Variants in COBLL1 observed in about 807,000 individuals in gnomAD.
COBLL1 encodes cordon-bleu WH2 repeat protein like 1.
Under a neutral mutation model 94.8 loss-of-function variants are expected in COBLL1, and 50 were observed. The ratio of observed to expected loss-of-function variants is 0.53; its 90% CI spans 0.42 to 0.67. The LOEUF is 0.67. Among genes scored for constraint, COBLL1 ranks in the 30% least tolerant of loss-of-function variants. COBLL1 has a pLI of 0.00. For missense variants in COBLL1, 1,362 were observed against 1,348.7 expected (o/e 1.01, Z -0.15); for synonymous variants, 448 against 473.8 (o/e 0.95, Z 0.71).
chr2:164,787,638 C>T (rs1682931765), intron 2 of COBLL1, among the ~76,000 whole-genome samples: 1 of 152,134 alleles, frequency 6.6e-6, no homozygotes, highest in African/African-American at 2.4e-5. Flanking sequence ...TTGCCTGTGA[C>T]CTTGAGCCCT....
chr2:164,801,419 A>G (rs1683786452), intron 2 of COBLL1, among the ~76,000 whole-genome samples: 1 of 122,626 alleles, frequency 8.2e-6, no homozygotes, highest in Non-Finnish European at 1.6e-5. Flanking sequence ...AGCCTGGGCG[A>G]CAGAGCGAGA....
intron 2 of COBLL1, among the ~76,000 whole-genome samples, chr2:164,744,878 T>G (rs966016946): frequency 2.0e-5 from 3 of 152,110 alleles, no homozygotes; most frequent in African/African-American, 7.2e-5. Flanking sequence ...CATTCTGAAC[T>G]TACATAGGCC....
rs1479931344 is a variant in COBLL1, at chr2:164,840,977, C to G, written c.41+179G>C. ...AACCAAAAACGACCCGAGCCCTCCG[C>G]CCGGGCGGCCTCCGAGAAGGCCGGG... On this transcript the variant is annotated intron_variant, in intron 2 of 13. Transcript: ENST00000652658. Among the ~76,000 whole-genome samples, 3 of 152,262 alleles carry G rather than the reference C, an allele frequency of 2.0e-5. No individual in the cohort carries two copies. The East Asian group carries it at 5.8e-4, about 30-fold the overall frequency.
chr2:164,764,386 G>T (rs1687837289), intron 2 of COBLL1, among the ~76,000 whole-genome samples: 1 of 152,002 alleles, frequency 6.6e-6, no homozygotes, highest in Non-Finnish European at 1.5e-5. Flanking sequence ...CATATTTTCT[G>T]AATAAGAGAT....
intron 2 of COBLL1, among the ~76,000 whole-genome samples, chr2:164,818,788 A>ATATATAT (rs1321512077): frequency 6.7e-6 from 1 of 149,668 alleles, no homozygotes; most frequent in African/African-American, 2.5e-5. Context: ...ATATACATAT[A>ATATATAT]ATTTTTTTTC....
intron 9 of COBLL1, chr2:164,702,973 A>G (rs536746759): frequency 1.6e-6 from 1 of 637,794 alleles, no homozygotes; most frequent in Non-Finnish European, 2.8e-6. Flanking sequence ...ATTTCAAGTG[A>G]AAAAGGGGAA....
intron 5 of COBLL1, chr2:164,727,146 T>C: frequency 6.7e-7 from 1 of 1,501,446 alleles, no homozygotes. Context: ...CAGAAGTGGC[T>C]ACAGAAGGAG....
intron 3 of COBLL1, among the ~76,000 whole-genome samples, chr2:164,736,386 T>C (rs181156036): frequency 6.6e-6 from 1 of 152,292 alleles, no homozygotes; most frequent in Admixed American, 6.5e-5. Context: ...GAATGCTTAT[T>C]ATGCTATAAG....
At chr2:164,753,316 A>G (rs1687217340) in intron 2 of COBLL1, among the ~76,000 whole-genome samples, 1 of 152,166 alleles carries the variant, frequency 6.6e-6, no homozygotes, top group African/African-American at 2.4e-5. Context: ...CCAAGTCCCT[A>G]CCACAAGCCA....
Position 164,748,901 on chromosome 2 carries a change from T to G in COBLL1, c.42-5026A>C, listed in dbSNP as rs1004584412. Among the ~76,000 whole-genome samples the G allele has an allele frequency of 9.8e-4, 149 of 152,210 alleles. 1 individual carries two copies. The highest frequency in any genetic ancestry group is 3.6e-3 in the African/African-American group (148 of 41,466). ...TCAATATTATACTCAATTTTAATAA[T>G]GAGAATTAAGGCAAAATTTGCATTA... is the stretch of plus-strand genomic sequence containing the variant. On this transcript the variant is annotated intron_variant, in intron 2 of 13. Transcript: ENST00000652658.
At chr2:164,829,936 A>G (rs188917116) in intron 2 of COBLL1, among the ~76,000 whole-genome samples, 3 of 152,288 alleles carry the variant, frequency 2.0e-5, no homozygotes, top group Admixed American at 1.3e-4. Flanking sequence ...CACTTCCATA[A>G]GAATGTTTGA....
At chr2:164,749,709 TAGTG>T (rs1435070642) in intron 2 of COBLL1, among the ~76,000 whole-genome samples, 1 of 152,118 alleles carries the variant, frequency 6.6e-6, no homozygotes, top group Non-Finnish European at 1.5e-5. Context: ...TAATTTCAAA[TAGTG>T]AGTATGTCAA....
chr2:164,841,926 G>T, upstream of COBLL1: 1 of 1,502,706 alleles, frequency 6.7e-7, no homozygotes, highest in Non-Finnish European at 9.0e-7. This position sits in a 1 kb window ranked among gnomAD's most constrained non-coding sequence, Gnocchi z 5.5. Flanking sequence ...TGGGCGCTGG[G>T]GGCCTCGCTG....
intron 2 of COBLL1, among the ~76,000 whole-genome samples, chr2:164,763,429 T>C (rs767443797): frequency 6.6e-6 from 1 of 152,142 alleles, no homozygotes; most frequent in Non-Finnish European, 1.5e-5. Flanking sequence ...TATTTAGCAA[T>C]AACTAACACA....
chr2:164,817,781 C>T (rs749053942), intron 2 of COBLL1, among the ~76,000 whole-genome samples: 1 of 152,146 alleles, frequency 6.6e-6, no homozygotes, highest in Admixed American at 6.6e-5. Context: ...GTGGCTTCCA[C>T]AGCCATGCTT....
intron 3 of COBLL1, among the ~76,000 whole-genome samples, chr2:164,742,580 T>C (rs1686657130): frequency 6.6e-6 from 1 of 151,938 alleles, no homozygotes; most frequent in Admixed American, 6.6e-5. Flanking sequence ...ATAAATAGGG[T>C]TCAATGTGTG....
intron 2 of COBLL1, among the ~76,000 whole-genome samples, chr2:164,744,195 C>T (rs1686741513): frequency 6.6e-6 from 1 of 152,086 alleles, no homozygotes; most frequent in Non-Finnish European, 1.5e-5. Flanking sequence ...AATGTATTTT[C>T]TTTGATTAGA....
At chr2:164,705,863 G>A (rs1574444033) in intron 7 of COBLL1, among the ~76,000 whole-genome samples, 1 of 152,020 alleles carries the variant, frequency 6.6e-6, no homozygotes, top group Admixed American at 6.6e-5. Flanking sequence ...GTGAAAGCCC[G>A]TCTCTACTAA....
rs1684516141 is a variant in COBLL1 at position 164,705,104 on chromosome 2, C to T, written c.998G>A (p.Ser333Asn). The change falls in exon 8 of 14, where the codon AGT (serine) becomes AAT (asparagine). Residue 333 changes from serine to asparagine, a missense_variant and splice_region_variant. Physicochemically the swap from Ser to Asn is conservative, Grantham distance 46. Coordinates refer to ENST00000652658, the MANE Select transcript of COBLL1 (RefSeq NM_001365672.2). ...CCTCACTCTTCCTGCTTCACAGGGA[C>T]TCTGGAAAACAAAATGACCAAATAA... ...KSMSVDETDKSPCEAGRVRAG... is the reference protein window; with the variant it reads ...KSMSVDETDKNPCEAGRVRAG... The T allele has an allele frequency of 6.6e-7, 1 of 1,507,376 alleles. No homozygotes were observed. The highest frequency in any genetic ancestry group is 2.4e-5 in the East Asian group (1 of 40,912). 93.4% of individuals were successfully genotyped at this position (1,507,376 alleles called of 1,614,324 possible).
Sources: allele counts gnomAD v4.1 joint callset (sites outside exome capture counted in the v4.1 genomes callset), GRCh38; gene constraint gnomAD v4.1.1; non-coding constraint Gnocchi (gnomAD v3.1); transcripts MANE v1.5; gene names NCBI Gene and HGNC (gene_info 2026-07-23, HGNC 2026-07-21).